Variants in PRRC1 observed in about 807,000 individuals in gnomAD.
PRRC1 encodes proline rich coiled-coil 1, also known as protein PRRC1.
Under a neutral mutation model 40.7 loss-of-function variants are expected in PRRC1, and 39 were observed. The observed-to-expected ratio is 0.96, with a 90% CI of 0.74 to 1.25. The LOEUF is 1.25. PRRC1 is among the 50% of genes most tolerant of loss of function. The pLI is 0.00. For missense variants in PRRC1, 573 were observed against 548.3 expected, an observed-to-expected ratio of 1.05 and a Z score of -0.45; for synonymous variants, 175 against 193.3, an observed-to-expected ratio of 0.91 and a Z score of 0.79.
At position 127,526,778 on chromosome 5, in the gene PRRC1, G is replaced by A. The variant is rs777671046; in HGVS notation, c.654G>A (p.Lys218=). The part of the protein sequence containing the change: ...ASAGGIWGFI[K]GVAGNPMVKS... ...CTGGTGGAATCTGGGGTTTTATTAA[G>A]GTAAGACGTGTTTAAAAATTATGTT... The change falls in exon 4 of 9, where the codon AAG becomes AAA. Residue 218 remains lysine, a splice_region_variant and synonymous_variant. Coordinates refer to ENST00000296666, the MANE Select transcript of PRRC1 (RefSeq NM_130809.5). 68 of 1,558,808 alleles carry A rather than the reference G, an allele frequency of 4.4e-5. No homozygotes were observed. The highest frequency in any genetic ancestry group is 5.6e-5 in the Non-Finnish European group (65 of 1,155,436).
At chr5:127,522,977 A>G (rs1248091078) in intron 1 of PRRC1, among the ~76,000 whole-genome samples, 3 of 151,548 alleles carry the variant, frequency 2.0e-5, no homozygotes, top group African/African-American at 7.3e-5. Flanking sequence ...AATTTATATT[A>G]TTTACTTATT....
chr5:127,553,740 C>G lies in PRRC1; in HGVS notation c.*1824C>G, dbSNP rs902367060. ...TTTTATTTTACCAAGTCACAAATGT[C>G]TTTTTGATGTTTTGAGAATTGTTCT... On this transcript the variant is annotated 3_prime_UTR_variant, in exon 9 of 9. Transcript: ENST00000296666. 1.4e-5 allele frequency: 21 copies of G among 1,516,702 alleles called. No individual in the cohort carries two copies. The highest frequency in any genetic ancestry group is 1.8e-5 in the Non-Finnish European group (20 of 1,140,628). The allele number at this position is 1,516,702 out of a possible 1,614,324, so 94.0% of individuals were successfully genotyped here.
chr5:127,519,941 C>CT (rs139670075), intron 1 of PRRC1, among the ~76,000 whole-genome samples: 189 of 152,340 alleles, frequency 1.2e-3, no homozygotes, highest in African/African-American at 4.1e-3. Context: ...GCACCACCAT[C>CT]TATCTAGTTG....
chr5:127,539,255 T>C (rs1209733135), intron 7 of PRRC1, 112 bp downstream of exon 7: 1 of 728,616 alleles, frequency 1.4e-6, no homozygotes, highest in African/African-American at 1.8e-5. Context: ...AAAGTATATT[T>C]TGATGCTGGC....
intron 4 of PRRC1, among the ~76,000 whole-genome samples, chr5:127,529,809 G>A (rs1767717432): frequency 6.6e-6 from 1 of 152,098 alleles, no homozygotes; most frequent in Non-Finnish European, 1.5e-5. Flanking sequence ...ATAGCAAAAT[G>A]TTGTACGTTA....
At position 127,552,129 on chromosome 5, in the gene PRRC1, A is replaced by G; in HGVS notation, c.*213A>G. ...TTTTTATAGTCATACCATTTCACCT[A>G]TCATAGTACTCAAAAAAGAAAATAT... On this transcript the variant is annotated 3_prime_UTR_variant, in exon 9 of 9. Coordinates refer to ENST00000296666, the MANE Select transcript of PRRC1 (RefSeq NM_130809.5). 1.5e-6 allele frequency: 2 copies of G among 1,359,710 alleles called. No individual in the cohort carries two copies. The highest frequency in any genetic ancestry group is 2.8e-4 in the Middle Eastern group (1 of 3,618). The allele number at this position is 1,359,710 out of a possible 1,614,324, so 84.2% of individuals were successfully genotyped here.
Position 127,526,692 on chromosome 5 carries a change from A to G in PRRC1, c.568A>G (p.Ile190Val). 1 of 1,613,754 alleles carries G rather than the reference A, an allele frequency of 6.2e-7. No homozygotes were observed. Among genetic ancestry groups the G allele is most frequent in the Non-Finnish European group, 8.5e-7 (1 of 1,179,780 alleles). Residue 190 changes from isoleucine to valine, a missense_variant, in exon 4 of 9, where the codon ATT becomes GTT. Ile to Val is a conservative substitution (Grantham distance 29). Coordinates refer to ENST00000296666, the MANE Select transcript of PRRC1 (RefSeq NM_130809.5). ...LAQGTGTTSA[I>V]TFPEEQEDPR... is the part of the protein sequence containing the mutation. ...ACAGGGAACTGGAACCACATCAGCC[A>G]TTACTTTCCCAGAGGAGCAAGAAGA...
intron 6 of PRRC1, 112 bp from the exon 7 acceptor site, chr5:127,538,928 G>A (rs973044975): frequency 1.5e-6 from 1 of 671,538 alleles, no homozygotes; most frequent in East Asian, 2.9e-5. Context: ...TTTACAGTGA[G>A]TATATATATG....
chr5:127,518,810 G>T (rs1478462507), intron 1 of PRRC1, among the ~76,000 whole-genome samples: 1 of 151,420 alleles, frequency 6.6e-6, no homozygotes, highest in East Asian at 1.9e-4. Flanking sequence ...TGAGAACTCA[G>T]TTTTCCAAAC....
Position 127,552,027 on chromosome 5 carries a change from C to A in PRRC1, c.*111C>A. On this transcript the variant is annotated 3_prime_UTR_variant, in exon 9 of 9. Coordinates refer to ENST00000296666, the MANE Select transcript of PRRC1 (RefSeq NM_130809.5). ...TCTAAATGAATCCAGTAGTTTTTATCATTTTCCTGTAGCCTGCAATTTTTC... is the reference window on the plus strand; with the variant it reads ...TCTAAATGAATCCAGTAGTTTTTATAATTTTCCTGTAGCCTGCAATTTTTC... 1 of 1,486,850 alleles carries A rather than the reference C, an allele frequency of 6.7e-7. No homozygotes were observed. The allele number at this position is 1,486,850 out of a possible 1,614,324, so 92.1% of individuals were successfully genotyped here.
At chr5:127,538,988 TTTAA>T (rs1428487033) in intron 6 of PRRC1, 48 bp from the exon 7 acceptor site, 4 of 1,286,270 alleles carry the variant, frequency 3.1e-6, no homozygotes, top group Non-Finnish European at 3.4e-6. Context: ...AATTAGTATA[TTTAA>T]TATGTAATAA....
At chr5:127,551,522 G>A in intron 8 of PRRC1, 185 bp from the exon 9 acceptor site, 1 of 621,686 alleles carries the variant, frequency 1.6e-6, no homozygotes, top group Non-Finnish European at 2.8e-6. Context: ...ATAGATGTGT[G>A]TAATGTTACA....
chr5:127,537,095 G>A (rs1441240853), intron 6 of PRRC1, among the ~76,000 whole-genome samples: 1 of 151,744 alleles, frequency 6.6e-6, no homozygotes, highest in African/African-American at 2.4e-5. Context: ...TTTATGCCAA[G>A]TATTAACTTT....
At chr5:127,551,541 G>A (rs1316046570) in intron 8 of PRRC1, 166 bp from the exon 9 acceptor site, 1 of 674,068 alleles carries the variant, frequency 1.5e-6, no homozygotes, top group Non-Finnish European at 2.5e-6. Flanking sequence ...CATTGATTGT[G>A]TTCTAGCCTT....
At chr5:127,533,175 G>T (rs1395309020) in intron 5 of PRRC1, among the ~76,000 whole-genome samples, 1 of 151,974 alleles carries the variant, frequency 6.6e-6, no homozygotes, top group African/African-American at 2.4e-5. Context: ...ACATTGTGGG[G>T]ATATTTAATA....
chr5:127,553,504 A>G lies in PRRC1; in HGVS notation c.*1588A>G. ...ACTTTCTTTCTTTCCTTCAAGTACA[A>G]GAAGGCTTTCTCTACCATTTGCGTC... is the stretch of plus-strand genomic sequence containing the variant. On this transcript the variant is annotated 3_prime_UTR_variant, in exon 9 of 9. Coordinates refer to ENST00000296666, the MANE Select transcript of PRRC1 (RefSeq NM_130809.5). 8.7e-7 allele frequency: 1 copy of G among 1,148,480 alleles called. No individual in the cohort carries two copies. The highest frequency in any genetic ancestry group is 1.1e-6 in the Non-Finnish European group (1 of 929,276). The allele number at this position is 1,148,480 out of a possible 1,614,324, so 71.1% of individuals were successfully genotyped here.
intron 6 of PRRC1, among the ~76,000 whole-genome samples, chr5:127,536,629 G>A (rs755458636): frequency 1.3e-5 from 2 of 152,032 alleles, no homozygotes; most frequent in Non-Finnish European, 2.9e-5. Flanking sequence ...AGGGATTTCT[G>A]TAAATTGTGA....
intron 6 of PRRC1, among the ~76,000 whole-genome samples, chr5:127,536,448 A>C (rs1462721878): frequency 1.3e-5 from 2 of 152,106 alleles, no homozygotes; most frequent in African/African-American, 4.8e-5. Context: ...TAGATTGAGA[A>C]TGTATTTGAA....
At chr5:127,544,696 A>T (rs1768161879) in intron 7 of PRRC1, among the ~76,000 whole-genome samples, 1 of 152,184 alleles carries the variant, frequency 6.6e-6, no homozygotes, top group Non-Finnish European at 1.5e-5. Flanking sequence ...GGTGCGGGAT[A>T]TAATCTCCTG....
Sources: gnomAD v4.1 joint callset for allele counts (sites outside exome capture counted in the v4.1 genomes callset) on GRCh38, gnomAD v4.1.1 for gene constraint, MANE v1.5 for transcripts, NCBI Gene and HGNC (gene_info 2026-07-23, HGNC 2026-07-21) for gene names.